MCTP1: variants seen among roughly 807,000 people sequenced by gnomAD.
MCTP1 encodes multiple C2 and transmembrane domain containing 1.
A neutral mutation model predicts 120.6 loss-of-function variants in MCTP1; 69 were observed. That is an observed-to-expected ratio of 0.57 (90% CI 0.47 to 0.70). MCTP1 has a LOEUF of 0.70. Among genes scored for constraint, MCTP1 ranks in the 30% least tolerant of loss-of-function variants. MCTP1 has a pLI of 0.00. For synonymous variants in MCTP1, 529 were observed against 493.1 expected, an observed-to-expected ratio of 1.07 and a Z score of -0.96; for missense variants, 1,203 against 1,248.8, an observed-to-expected ratio of 0.96 and a Z score of 0.55.
In MCTP1 at chr5:95,206,344, G is replaced by C. The variant is rs190760726; in HGVS notation, c.720+77512C>G. Among the ~76,000 whole-genome samples the C allele has an allele frequency of 4.1e-3, 629 of 152,280 alleles. 2 individuals are homozygous for C. Among genetic ancestry groups the C allele is most frequent in the Non-Finnish European group, 6.0e-3 (406 of 68,024 alleles). ...CAGAACACAGATTAGTGGTTGCCTA[G>C]GGTTCAGGGGACTGGAGGTAATAGA... On this transcript the variant is annotated intron_variant, in intron 1 of 22. Coordinates refer to ENST00000515393, the MANE Select transcript of MCTP1 (RefSeq NM_024717.7).
chr5:95,078,488 A>C (rs1467494016), intron 1 of MCTP1, among the ~76,000 whole-genome samples: 1 of 152,228 alleles, frequency 6.6e-6, no homozygotes, highest in Non-Finnish European at 1.5e-5. Context: ...ATTTTGCGTT[A>C]ATAAAAGCCC....
chr5:95,054,699 A>C (rs1746909996), intron 1 of MCTP1, among the ~76,000 whole-genome samples: 1 of 152,232 alleles, frequency 6.6e-6, no homozygotes, highest in Non-Finnish European at 1.5e-5. Flanking sequence ...TTAATGTGAA[A>C]AAATAAAGAG....
chr5:95,019,926 T>A (rs1837869790), intron 1 of MCTP1, among the ~76,000 whole-genome samples: 1 of 152,146 alleles, frequency 6.6e-6, no homozygotes, highest in African/African-American at 2.4e-5. Flanking sequence ...GTCTAATTAA[T>A]AAGCAAGATT....
In MCTP1 at chr5:94,706,726, ATAAAT is replaced by A. The variant is rs1277652271; in HGVS notation, c.*765_*769del. The A allele has an allele frequency of 6.6e-6, 1 of 151,858 alleles. No individual in the cohort carries two copies. The highest frequency in any genetic ancestry group is 2.4e-5 in the African/African-American group (1 of 41,402). 9.4% of individuals were successfully genotyped at this position (151,858 alleles called of 1,614,324 possible). On this transcript the variant is annotated 3_prime_UTR_variant, in exon 23 of 23. Coordinates refer to ENST00000515393, the MANE Select transcript of MCTP1 (RefSeq NM_024717.7). The stretch of plus-strand genomic sequence containing the variant: ...GGTTGCTAATTTGCTAACTAACTGT[ATAAAT>A]TAAAGTAGTGGTAGGTATAAAAATT...
chr5:94,815,984 G>GT (rs1784405257), intron 17 of MCTP1, among the ~76,000 whole-genome samples: 1 of 152,132 alleles, frequency 6.6e-6, no homozygotes, highest in African/African-American at 2.4e-5. Flanking sequence ...AAAATGGAGG[G>GT]TAACTGGCAT....
rs888454658 is a variant in MCTP1 at position 95,010,731 on chromosome 5, C to G, written c.838+6636G>C. Among the ~76,000 whole-genome samples, 4 of 152,218 alleles carry G rather than the reference C, an allele frequency of 2.6e-5. No homozygotes were observed. In the East Asian group the frequency reaches 7.7e-4, roughly 29 times the overall value. On this transcript the variant is annotated intron_variant, in intron 2 of 22. Transcript: ENST00000515393. ...TGTCCCTTTTTTAAAGTACATGGCT[C>G]TCTCATTCCACTGAAAGTTGTTTTT... is the stretch of plus-strand genomic sequence containing the variant.
At chr5:94,858,385 A>G (rs1303616294) in intron 17 of MCTP1, among the ~76,000 whole-genome samples, 1 of 151,668 alleles carries the variant, frequency 6.6e-6, no homozygotes, top group Non-Finnish European at 1.5e-5. Flanking sequence ...TCAAAACATA[A>G]GGTACACATT....
chr5:94,767,222 T>C (rs1205926213), intron 19 of MCTP1, among the ~76,000 whole-genome samples: 1 of 152,148 alleles, frequency 6.6e-6, no homozygotes, highest in Non-Finnish European at 1.5e-5. Flanking sequence ...CAACATCTCT[T>C]TATTATACAA....
intron 19 of MCTP1, among the ~76,000 whole-genome samples, chr5:94,723,794 G>C (rs895647158): frequency 2.0e-5 from 3 of 151,946 alleles, no homozygotes; most frequent in African/African-American, 7.3e-5. Flanking sequence ...CCCTGGGCTA[G>C]ACAATGCAAA....
intron 2 of MCTP1, among the ~76,000 whole-genome samples, chr5:94,959,634 C>T (rs1179407517): frequency 6.6e-6 from 1 of 152,108 alleles, no homozygotes; most frequent in East Asian, 1.9e-4. Context: ...AACAGACAAA[C>T]AGAGAGCCAA....
chr5:94,779,688 C>T (rs1435636255), intron 18 of MCTP1, among the ~76,000 whole-genome samples: 1 of 152,046 alleles, frequency 6.6e-6, no homozygotes, highest in Admixed American at 6.6e-5. Context: ...TCAAGTCTTG[C>T]CTCTCTCTTT....
chr5:95,214,928 T>C (rs948638647), intron 1 of MCTP1, among the ~76,000 whole-genome samples: 3 of 151,628 alleles, frequency 2.0e-5, no homozygotes, highest in Admixed American at 2.0e-4. Flanking sequence ...GACGAGTTAA[T>C]GGATGCAGCA....
intron 6 of MCTP1, among the ~76,000 whole-genome samples, chr5:94,926,680 C>G (rs569889085): frequency 6.6e-5 from 10 of 152,290 alleles, no homozygotes; most frequent in Admixed American, 3.9e-4. Context: ...ATTCATTCAC[C>G]CTTCCATCTA....
At chr5:95,081,907 C>T (rs1754994192) in intron 1 of MCTP1, 9 of 820,330 alleles carry the variant, frequency 1.1e-5, no homozygotes, top group Non-Finnish European at 1.3e-5. Context: ...CAACACTGCA[C>T]AAAGAAAACT....
intron 1 of MCTP1, among the ~76,000 whole-genome samples, chr5:95,158,589 A>G (rs994695600): frequency 1.3e-5 from 2 of 152,202 alleles, no homozygotes; most frequent in Non-Finnish European, 2.9e-5. Context: ...AATTTAACTC[A>G]CTTAAATAGC....
chr5:94,775,791 A>G lies in MCTP1; in HGVS notation c.2610+3319T>C, dbSNP rs115095706. On this transcript the variant is annotated intron_variant, in intron 19 of 22. Transcript: ENST00000515393. ...GTGAAAACCATGGAATTGGATTAAA[A>G]GAGAAGCCACCTAATTTTAGATTTA... Among the ~76,000 whole-genome samples, 961 of 152,078 alleles carry G rather than the reference A, an allele frequency of 6.3e-3. 10 individuals carry two copies. The highest frequency in any genetic ancestry group is 0.021 in the African/African-American group (876 of 41,532).
intron 1 of MCTP1, among the ~76,000 whole-genome samples, chr5:95,234,177 C>A (rs1174642448): frequency 6.6e-6 from 1 of 152,156 alleles, no homozygotes; most frequent in Non-Finnish European, 1.5e-5. Context: ...AAGGGTGATT[C>A]AATAACGAGA....
chr5:94,978,797 T>A (rs2153590690), intron 2 of MCTP1, among the ~76,000 whole-genome samples: 1 of 152,194 alleles, frequency 6.6e-6, no homozygotes, highest in African/African-American at 2.4e-5. Flanking sequence ...TGCTCCTATA[T>A]TAATATTGTA....
chr5:94,948,746 A>AGTCTTCTCTGATTCAGGTCTGATTCAGG (rs1455976123), intron 3 of MCTP1, among the ~76,000 whole-genome samples: 1 of 152,152 alleles, frequency 6.6e-6, no homozygotes, highest in African/African-American at 2.4e-5. Context: ...CCTGAATCAG[A>AGTCTTCTCTGATTCAGGTCTGATTCAGG]GTCTTCTCTG....
Sources: gnomAD v4.1 joint callset for allele counts (sites outside exome capture counted in the v4.1 genomes callset) on GRCh38, gnomAD v4.1.1 for gene constraint, MANE v1.5 for transcripts, NCBI Gene and HGNC (gene_info 2026-07-23, HGNC 2026-07-21) for gene names.